Variants in HIVEP3 observed in about 807,000 individuals in gnomAD.
HIVEP3 encodes HIVEP zinc finger 3.
In HIVEP3, 49 loss-of-function variants were observed where a neutral mutation model predicts 152.8. The observed-to-expected ratio is 0.32, with a 90% CI of 0.26 to 0.41. The LOEUF is 0.41. HIVEP3 is among the 10% of genes least tolerant of loss of function. HIVEP3 has a pLI of 1.00. For missense variants in HIVEP3, 2,790 were observed against 3,103.3 expected, an observed-to-expected ratio of 0.90 and a Z score of 2.40; for synonymous variants, 1,269 against 1,289.0, an observed-to-expected ratio of 0.98 and a Z score of 0.33.
chr1:41,902,940 A>G (rs920861862), intron 1 of HIVEP3, among the ~76,000 whole-genome samples: 3 of 152,230 alleles, frequency 2.0e-5, no homozygotes, highest in Non-Finnish European at 4.4e-5. Flanking sequence ...ACTAAAAGTG[A>G]ATGTGACACA....
chr1:41,870,106 T>C (rs1644051788), intron 1 of HIVEP3, among the ~76,000 whole-genome samples: 1 of 152,142 alleles, frequency 6.6e-6, no homozygotes, highest in Non-Finnish European at 1.5e-5. Context: ...CTGGGACTGC[T>C]GACATCCCAA....
At chr1:41,632,121 C>T (rs565705433) in intron 2 of HIVEP3, among the ~76,000 whole-genome samples, 11 of 152,310 alleles carry the variant, frequency 7.2e-5, no homozygotes, top group South Asian at 2.1e-4. Flanking sequence ...TGCTCAGCCA[C>T]GGCTTAAAGC....
At chr1:42,018,415 G>A (rs1429094271) in intron 1 of HIVEP3, among the ~76,000 whole-genome samples, 1 of 151,720 alleles carries the variant, frequency 6.6e-6, no homozygotes, top group Non-Finnish European at 1.5e-5. Flanking sequence ...TGAATGGCTT[G>A]AGGAAGATTC....
intron 1 of HIVEP3, among the ~76,000 whole-genome samples, chr1:41,748,438 A>G (rs1647105624): frequency 6.6e-6 from 1 of 152,224 alleles, no homozygotes; most frequent in Non-Finnish European, 1.5e-5. Context: ...ACCTCCTTCA[A>G]CTATTGAATG....
intron 1 of HIVEP3, among the ~76,000 whole-genome samples, chr1:41,718,665 C>T (rs1646631096): frequency 6.6e-6 from 1 of 152,174 alleles, no homozygotes; most frequent in Non-Finnish European, 1.5e-5. Flanking sequence ...CAGAGACAAA[C>T]ATGGTGTGTG....
At chr1:41,716,779 G>A (rs905227582) in intron 1 of HIVEP3, among the ~76,000 whole-genome samples, 2 of 152,144 alleles carry the variant, frequency 1.3e-5, no homozygotes, top group African/African-American at 4.8e-5. Context: ...GTAACAAGCC[G>A]TGGGGAGCTC....
chr1:41,972,967 G>A (rs1645239177), intron 1 of HIVEP3, among the ~76,000 whole-genome samples: 1 of 151,634 alleles, frequency 6.6e-6, no homozygotes, highest in Non-Finnish European at 1.5e-5. Context: ...AGAGCTCAAG[G>A]CAAAAAGATG....
At chr1:41,759,010 G>A (rs907510380) in intron 1 of HIVEP3, among the ~76,000 whole-genome samples, 5 of 151,922 alleles carry the variant, frequency 3.3e-5, no homozygotes, top group East Asian at 3.9e-4. Context: ...AAGTGCTTTC[G>A]CAGTGTTGTG....
intron 1 of HIVEP3, among the ~76,000 whole-genome samples, chr1:41,949,913 C>T (rs1479407032): frequency 6.6e-6 from 1 of 152,092 alleles, no homozygotes; most frequent in African/African-American, 2.4e-5. Flanking sequence ...CCTACTATGC[C>T]CCAGTTCAGC....
At chr1:41,978,420 T>C (rs998260565) in intron 1 of HIVEP3, among the ~76,000 whole-genome samples, 1 of 152,112 alleles carries the variant, frequency 6.6e-6, no homozygotes, top group Non-Finnish European at 1.5e-5. Flanking sequence ...GGTGTCCTTA[T>C]AAGAAGAGGA....
chr1:42,023,644 C>T (rs1645566632), intron 1 of HIVEP3, among the ~76,000 whole-genome samples: 1 of 151,984 alleles, frequency 6.6e-6, no homozygotes, highest in Non-Finnish European at 1.5e-5. Context: ...TGTGTAGCAC[C>T]TCCCGCCATT....
At chr1:41,755,254 G>A (rs1387460446) in intron 1 of HIVEP3, among the ~76,000 whole-genome samples, 3 of 151,956 alleles carry the variant, frequency 2.0e-5, no homozygotes, top group Non-Finnish European at 4.4e-5. Context: ...CTATCCATAA[G>A]GAAAACATGG....
Position 41,662,453 on chromosome 1 carries a change from T to C in HIVEP3, c.-720-33506A>G, listed in dbSNP as rs1371973361. The C allele has an allele frequency of 6.6e-6, 1 of 151,048 alleles. No individual in the cohort carries two copies. The highest frequency in any genetic ancestry group is 1.5e-5 in the Non-Finnish European group (1 of 67,748). The allele number at this position is 151,048 out of a possible 1,614,324, so 9.4% of individuals were successfully genotyped here. A position where few individuals can be genotyped will look rare whatever the true frequency, so the allele number is the denominator to read the frequency against. On this transcript the variant is annotated intron_variant, in intron 2 of 8. Coordinates refer to ENST00000372583, the MANE Select transcript of HIVEP3 (RefSeq NM_024503.5). This position sits in a 1 kb window ranked among gnomAD's most constrained non-coding sequence, Gnocchi z 7.2. ...GGACCACCCACTTCTTTCCATTCACTCCCCAGAGTTTCCTGTCGCCGAGCA... is the reference window on the plus strand; with the variant it reads ...GGACCACCCACTTCTTTCCATTCACCCCCCAGAGTTTCCTGTCGCCGAGCA...
chr1:41,841,564 G>T (rs1386573061), intron 1 of HIVEP3, among the ~76,000 whole-genome samples: 1 of 152,180 alleles, frequency 6.6e-6, no homozygotes, highest in Non-Finnish European at 1.5e-5. Context: ...ACTTTAAAAT[G>T]GGGGAGAGGG....
chr1:41,870,604 G>C (rs188755276), intron 1 of HIVEP3, among the ~76,000 whole-genome samples: 1 of 152,352 alleles, frequency 6.6e-6, no homozygotes, highest in African/African-American at 2.4e-5. Context: ...GCACCCTGCT[G>C]TCTACTTTAC....
chr1:42,003,034 T>A (rs981889842), intron 1 of HIVEP3, among the ~76,000 whole-genome samples: 1 of 152,234 alleles, frequency 6.6e-6, no homozygotes, highest in South Asian at 2.1e-4. Context: ...CTAATATTTT[T>A]AAATATCTAG....
chr1:41,753,759 C>T (rs1432010544), intron 1 of HIVEP3, among the ~76,000 whole-genome samples: 1 of 152,100 alleles, frequency 6.6e-6, no homozygotes, highest in Non-Finnish European at 1.5e-5. Flanking sequence ...TACTAGGTGG[C>T]CGTTCATTTT....
intron 2 of HIVEP3, among the ~76,000 whole-genome samples, chr1:41,635,519 T>C (rs1430347247): frequency 6.7e-6 from 1 of 149,672 alleles, no homozygotes; most frequent in Non-Finnish European, 1.5e-5. Flanking sequence ...TATAGCTGCA[T>C]ATATACATAT....
At chr1:41,806,217 C>T (rs555849229) in intron 1 of HIVEP3, among the ~76,000 whole-genome samples, 1 of 152,156 alleles carries the variant, frequency 6.6e-6, no homozygotes, top group Non-Finnish European at 1.5e-5. Context: ...CCAGCAGCCA[C>T]CCCCCAGGGC....
Sources: gnomAD v4.1 joint callset for allele counts (sites outside exome capture counted in the v4.1 genomes callset) on GRCh38, gnomAD v4.1.1 for gene constraint, Gnocchi (gnomAD v3.1) non-coding constraint, MANE v1.5 for transcripts, NCBI Gene and HGNC (gene_info 2026-07-23, HGNC 2026-07-21) for gene names.